The following GREM2 variants were observed in gnomAD, a reference collection of about 807,000 sequenced individuals.
GREM2 encodes the protein gremlin-2.
A neutral mutation model predicts 14.2 loss-of-function variants in GREM2; 11 were observed. That is an observed-to-expected ratio of 0.78 (90% CI 0.49 to 1.28). The LOEUF (loss-of-function observed/expected upper bound fraction) is 1.28, where lower values mean the gene tolerates loss of function less well. Among genes scored for constraint, GREM2 ranks in the 50% most tolerant of loss-of-function variants. GREM2 has a pLI of 0.00. For missense variants in GREM2, 210 were observed against 218.5 expected (o/e 0.96, Z 0.24); for synonymous variants, 98 against 97.6 (o/e 1.00, Z -0.02).
chr1:240,547,614 G>A (rs2103334244), intron 1 of GREM2, among the ~76,000 whole-genome samples: 1 of 151,580 alleles, frequency 6.6e-6, no homozygotes, highest in Non-Finnish European at 1.5e-5. Context: ...TAGAGGTGGA[G>A]AAGAGGAGAT....
At chr1:240,495,350 A>C (rs1050221222) in intron 1 of GREM2, among the ~76,000 whole-genome samples, 37 of 152,138 alleles carry the variant, frequency 2.4e-4, no homozygotes, top group African/African-American at 8.5e-4. Context: ...TTATATATAC[A>C]TCATATGTAT....
At chr1:240,527,948 A>G (rs1013524059) in intron 1 of GREM2, among the ~76,000 whole-genome samples, 1 of 152,232 alleles carries the variant, frequency 6.6e-6, no homozygotes, top group African/African-American at 2.4e-5. Flanking sequence ...AAATGAAATT[A>G]TAGAAAGAAA....
chr1:240,509,403 T>C (rs980707676), intron 1 of GREM2, among the ~76,000 whole-genome samples: 3 of 149,520 alleles, frequency 2.0e-5, no homozygotes, highest in Admixed American at 6.7e-5. Flanking sequence ...AGTTTCACTC[T>C]TGTTGCCCAG....
chr1:240,546,472 G>T (rs1678721411), intron 1 of GREM2, among the ~76,000 whole-genome samples: 1 of 152,134 alleles, frequency 6.6e-6, no homozygotes, highest in South Asian at 2.1e-4. Context: ...GGGAACATGG[G>T]CATGTCACTA....
At chr1:240,586,849 C>G (rs1679608474) in intron 1 of GREM2, among the ~76,000 whole-genome samples, 1 of 152,150 alleles carries the variant, frequency 6.6e-6, no homozygotes, top group South Asian at 2.1e-4. Context: ...TTAAAGATGC[C>G]TATCAGGGGT....
intron 1 of GREM2, among the ~76,000 whole-genome samples, chr1:240,607,675 T>G (rs1054828218): frequency 5.3e-5 from 8 of 152,234 alleles, no homozygotes; most frequent in African/African-American, 1.9e-4. Context: ...GTAGTGGGCC[T>G]GAGGGTGAAT....
intron 1 of GREM2, among the ~76,000 whole-genome samples, chr1:240,510,278 G>A (rs953357168): frequency 6.9e-6 from 1 of 145,032 alleles, no homozygotes; most frequent in Non-Finnish European, 1.5e-5. Flanking sequence ...GCTGAGGCAG[G>A]AGAATGGCGT....
intron 1 of GREM2, among the ~76,000 whole-genome samples, chr1:240,560,210 A>T (rs1394380066): frequency 6.6e-6 from 1 of 152,218 alleles, no homozygotes; most frequent in Non-Finnish European, 1.5e-5. Context: ...GAACGTTCTT[A>T]AGTGAAATTG....
At chr1:240,504,366 C>G (rs1315296109) in intron 1 of GREM2, among the ~76,000 whole-genome samples, 1 of 152,160 alleles carries the variant, frequency 6.6e-6, no homozygotes, top group Non-Finnish European at 1.5e-5. Flanking sequence ...ATATGTCTAA[C>G]CCTCGGGGGC....
intron 1 of GREM2, among the ~76,000 whole-genome samples, chr1:240,527,542 A>G (rs1678250869): frequency 6.6e-6 from 1 of 152,206 alleles, no homozygotes; most frequent in African/African-American, 2.4e-5. Flanking sequence ...AACATTTTGA[A>G]TGTATGTGTT....
intron 1 of GREM2, among the ~76,000 whole-genome samples, chr1:240,569,912 T>C (rs559381227): frequency 4.5e-3 from 481 of 106,432 alleles, no homozygotes; most frequent in Non-Finnish European, 6.3e-3. Context: ...CCAATTATAC[T>C]TCACTAAAAT....
At chr1:240,571,421 C>T (rs376885480) in intron 1 of GREM2, among the ~76,000 whole-genome samples, 22 of 152,086 alleles carry the variant, frequency 1.4e-4, no homozygotes, top group African/African-American at 4.6e-4. Flanking sequence ...AAGCTGGGCA[C>T]GGTGGCTCAC....
chr1:240,586,687 A>G lies in GREM2; in HGVS notation c.-2+25197T>C, dbSNP rs571255273. 2.6e-5 allele frequency among the ~76,000 whole-genome samples: 4 copies of G among 152,346 alleles called. No homozygotes were observed. In the East Asian group the frequency reaches 7.7e-4, roughly 29 times the overall value. On this transcript the variant is annotated intron_variant, in intron 1 of 1. Coordinates refer to ENST00000318160, the MANE Select transcript of GREM2 (RefSeq NM_022469.4). ...TGTTTGTACACAGAGAATACAGAAT[A>G]GTGGTCAATCAGGTGTCACCCTGGT...
intron 1 of GREM2, among the ~76,000 whole-genome samples, chr1:240,561,362 G>A (rs1316251209): frequency 1.3e-5 from 2 of 152,152 alleles, no homozygotes; most frequent in East Asian, 3.9e-4. Context: ...GAAGGATTTT[G>A]TGTGGTAAGT....
chr1:240,577,548 G>A (rs1487692172), intron 1 of GREM2, among the ~76,000 whole-genome samples: 1 of 152,164 alleles, frequency 6.6e-6, no homozygotes, highest in Non-Finnish European at 1.5e-5. Context: ...CGGGAGGTGG[G>A]CCTACAATTT....
At chr1:240,541,541 A>G (rs1678588215) in intron 1 of GREM2, among the ~76,000 whole-genome samples, 1 of 151,894 alleles carries the variant, frequency 6.6e-6, no homozygotes, top group Non-Finnish European at 1.5e-5. Context: ...GATGGGTTTC[A>G]TTTTACTGCT....
Position 240,583,518 on chromosome 1 carries a change from C to A in GREM2, c.-2+28366G>T, listed in dbSNP as rs116091981. Among the ~76,000 whole-genome samples the A allele has an allele frequency of 2.9e-3, 444 of 152,166 alleles. 5 individuals are homozygous for A. The highest frequency in any genetic ancestry group is 0.01 in the African/African-American group (427 of 41,530). On this transcript the variant is annotated intron_variant, in intron 1 of 1. Coordinates refer to ENST00000318160, the MANE Select transcript of GREM2 (RefSeq NM_022469.4). The stretch of plus-strand genomic sequence containing the variant: ...GTCTTCTATAATTTGCTCTGATGAC[C>A]AAATATGCTCTACATAAATTCTAGT...
intron 1 of GREM2, among the ~76,000 whole-genome samples, chr1:240,601,254 A>G (rs935829217): frequency 3.3e-5 from 5 of 152,236 alleles, no homozygotes; most frequent in African/African-American, 1.2e-4. Flanking sequence ...GATGAGGATT[A>G]CTGATACAAA....
chr1:240,506,490 C>A (rs1677679335), intron 1 of GREM2, among the ~76,000 whole-genome samples: 1 of 152,082 alleles, frequency 6.6e-6, no homozygotes, highest in Non-Finnish European at 1.5e-5. Context: ...AATTAGAGTG[C>A]AAATTCAAGG....
Sources: gnomAD v4.1 joint callset for allele counts (sites outside exome capture counted in the v4.1 genomes callset) on GRCh38, gnomAD v4.1.1 for gene constraint, MANE v1.5 for transcripts, NCBI Gene and HGNC (gene_info 2026-07-23, HGNC 2026-07-21) for gene names.